The following PEX14 variants were observed in gnomAD, a reference collection of about 807,000 sequenced individuals.
PEX14 encodes peroxisomal membrane protein PEX14.
In PEX14, 15 loss-of-function variants were observed where a neutral mutation model predicts 49.5. The ratio of observed to expected loss-of-function variants is 0.30; its 90% CI spans 0.20 to 0.47. PEX14 has a LOEUF of 0.47. Among genes scored for constraint, PEX14 ranks in the 20% least tolerant of loss-of-function variants. The pLI is 1.00. For synonymous variants in PEX14, 210 were observed against 212.7 expected, an observed-to-expected ratio of 0.99 and a Z score of 0.11; for missense variants, 398 against 494.8, an observed-to-expected ratio of 0.80 and a Z score of 1.86.
At chr1:10,568,333 C>A (rs890703262) in intron 3 of PEX14, among the ~76,000 whole-genome samples, 9 of 141,930 alleles carry the variant, frequency 6.3e-5, no homozygotes, top group African/African-American at 2.5e-4. Flanking sequence ...TCCCCCCCCC[C>A]CCCCCACTCC....
chr1:10,585,677 C>T (rs12047856), intron 3 of PEX14, among the ~76,000 whole-genome samples: 13,891 of 152,188 alleles, frequency 0.091, 760 homozygotes, highest in East Asian at 0.2. Context: ...CCCAGCACTT[C>T]GGGAGGCCGA....
chr1:10,597,328 C>T lies in PEX14; in HGVS notation c.170-1910C>T, dbSNP rs1184036340. Among the ~76,000 whole-genome samples the T allele has an allele frequency of 1.3e-5, 2 of 152,218 alleles. No individual in the cohort carries two copies. The highest frequency in any genetic ancestry group is 1.3e-4 in the Admixed American group (2 of 15,280). On this transcript the variant is annotated intron_variant, in intron 3 of 8. Coordinates refer to ENST00000356607, the MANE Select transcript of PEX14 (RefSeq NM_004565.3). The surrounding 1 kb of genome is among the most constrained non-coding windows in gnomAD (Gnocchi z 5.7). ...TTCTTCTCTAATGGCTGATTATGAA[C>T]TGGTTAAAACAATGTCTTTCCCACC...
Position 10,627,376 on chromosome 1 carries a change from A to G in PEX14, c.677+13A>G, listed in dbSNP as rs1385892359. ...TTCTTTTAAATCGGTAGGAGGGAGGAATGGGGACCCTGTTCTGGTCGGGCC... is the reference window on the plus strand; with the variant it reads ...TTCTTTTAAATCGGTAGGAGGGAGGGATGGGGACCCTGTTCTGGTCGGGCC... On this transcript the variant is annotated intron_variant, in intron 8 of 8. Transcript: ENST00000356607. The G allele has an allele frequency of 2.6e-6, 4 of 1,563,262 alleles. No homozygotes were observed. In the Admixed American group the frequency reaches 6.7e-5, roughly 26 times the overall value.
At chr1:10,542,539 A>G (rs1330465240) in intron 3 of PEX14, among the ~76,000 whole-genome samples, 2 of 152,190 alleles carry the variant, frequency 1.3e-5, no homozygotes, top group Non-Finnish European at 2.9e-5. Context: ...AGGCGGGAGG[A>G]TCACGAGGTC....
At chr1:10,480,970 G>C (rs1289390107) in intron 1 of PEX14, among the ~76,000 whole-genome samples, 2 of 150,096 alleles carry the variant, frequency 1.3e-5, no homozygotes, top group Non-Finnish European at 3.0e-5. Context: ...TTATTCCCCT[G>C]TATAACCACA....
At chr1:10,581,674 T>A (rs1024711288) in intron 3 of PEX14, among the ~76,000 whole-genome samples, 2 of 151,332 alleles carry the variant, frequency 1.3e-5, no homozygotes, top group Admixed American at 6.6e-5. Flanking sequence ...TTTAAAATAA[T>A]TGGGATTTTT....
intron 4 of PEX14, among the ~76,000 whole-genome samples, chr1:10,616,433 G>A (rs1478824580): frequency 2.0e-5 from 3 of 152,304 alleles, no homozygotes; most frequent in Middle Eastern, 3.4e-3. Flanking sequence ...TCACTCGGCC[G>A]TGTTGTGACG....
intron 3 of PEX14, among the ~76,000 whole-genome samples, chr1:10,543,836 G>T (rs1268225345): frequency 6.6e-6 from 1 of 152,154 alleles, no homozygotes; most frequent in Non-Finnish European, 1.5e-5. Flanking sequence ...TCGGCCTCAA[G>T]TCATCCTTCT....
chr1:10,620,716 AG>A (rs1268993239), intron 5 of PEX14, among the ~76,000 whole-genome samples: 1 of 152,170 alleles, frequency 6.6e-6, no homozygotes, highest in Non-Finnish European at 1.5e-5. Flanking sequence ...TGAGCCTGGG[AG>A]GCATAGGTTG....
chr1:10,510,526 C>T (rs1185033301), intron 2 of PEX14, among the ~76,000 whole-genome samples: 3 of 152,130 alleles, frequency 2.0e-5, no homozygotes, highest in Non-Finnish European at 4.4e-5. Context: ...GGCTGCCAGG[C>T]ACTTATGTAA....
At chr1:10,570,850 T>TTG (rs1435277164) in intron 3 of PEX14, among the ~76,000 whole-genome samples, 2 of 124,250 alleles carry the variant, frequency 1.6e-5, no homozygotes, top group Non-Finnish European at 1.6e-5. Flanking sequence ...TCAACAGGGT[T>TTG]TTTTTTTTTT....
intron 3 of PEX14, among the ~76,000 whole-genome samples, chr1:10,594,664 G>A (rs1557864109): frequency 2.0e-5 from 3 of 152,194 alleles, no homozygotes; most frequent in African/African-American, 4.8e-5. Flanking sequence ...CACCTGCACA[G>A]GGCCAAGCCC....
At chr1:10,534,286 AC>A (rs1638734785) in intron 2 of PEX14, among the ~76,000 whole-genome samples, 1 of 152,024 alleles carries the variant, frequency 6.6e-6, no homozygotes, top group Non-Finnish European at 1.5e-5. Flanking sequence ...ACTGGCGCTG[AC>A]CCTGGGGGCC....
chr1:10,508,943 C>CTT (rs60354536), intron 2 of PEX14, among the ~76,000 whole-genome samples: 19 of 147,360 alleles, frequency 1.3e-4, no homozygotes, highest in South Asian at 6.4e-4. Context: ...GGCATGCCTC[C>CTT]TTTTTTTTTT....
chr1:10,520,145 C>CTTTTTTTTTT (rs1412156646), intron 2 of PEX14, among the ~76,000 whole-genome samples: 3 of 64,444 alleles, frequency 4.7e-5, no homozygotes, highest in African/African-American at 1.8e-4. Flanking sequence ...TGGCCTTCTT[C>CTTTTTTTTTT]TTCTTTTTTT....
At chr1:10,585,110 C>T (rs546381097) in intron 3 of PEX14, among the ~76,000 whole-genome samples, 12 of 152,240 alleles carry the variant, frequency 7.9e-5, no homozygotes, top group African/African-American at 2.9e-4. Flanking sequence ...ACCCCTTTCA[C>T]CCTTAATTGA....
rs1638578474 is a variant in PEX14 at position 10,529,333 on chromosome 1, A to G, written c.85-6880A>G. On this transcript the variant is annotated intron_variant, in intron 2 of 8. Transcript: ENST00000356607. The surrounding 1 kb of genome is among the most constrained non-coding windows in gnomAD (Gnocchi z 4.2). ...TCTGCTTTTCAAGCTGTGCTCCTCC[A>G]CTGCACCAGCGCCCTTTGGGCTGGA... Among the ~76,000 whole-genome samples the G allele has an allele frequency of 6.6e-6, 1 of 152,082 alleles. No homozygotes were observed. The highest frequency in any genetic ancestry group is 2.4e-5 in the African/African-American group (1 of 41,380).
In PEX14 at chr1:10,515,000, G is replaced by A. The variant is rs911089952; in HGVS notation, c.84+19679G>A. On this transcript the variant is annotated intron_variant, in intron 2 of 8. Transcript: ENST00000356607. This position sits in a 1 kb window ranked among gnomAD's most constrained non-coding sequence, Gnocchi z 4.4. ...TGCCACTCCCCTGCCGCCTGCCCCTGTGTAGGTGGGAAGAGAGCGCAGAGG... is the reference window on the plus strand; with the variant it reads ...TGCCACTCCCCTGCCGCCTGCCCCTATGTAGGTGGGAAGAGAGCGCAGAGG... Among the ~76,000 whole-genome samples the A allele has an allele frequency of 3.9e-5, 6 of 152,182 alleles. No individual in the cohort carries two copies. The highest frequency in any genetic ancestry group is 2.1e-4 in the South Asian group (1 of 4,832).
intron 4 of PEX14, among the ~76,000 whole-genome samples, chr1:10,601,262 CAAAAA>C (rs58910333): frequency 4.4e-4 from 25 of 57,026 alleles, no homozygotes; most frequent in African/African-American, 1.3e-3. Flanking sequence ...GACTCTGTCT[CAAAAA>C]AAAAAAAAAA....
Sources: gnomAD v4.1 joint callset for allele counts (sites outside exome capture counted in the v4.1 genomes callset) on GRCh38, gnomAD v4.1.1 for gene constraint, Gnocchi (gnomAD v3.1) non-coding constraint, MANE v1.5 for transcripts, NCBI Gene and HGNC (gene_info 2026-07-23, HGNC 2026-07-21) for gene names.